INPP4B: variants seen among roughly 807,000 people sequenced by gnomAD.
INPP4B encodes inositol polyphosphate 4-phosphatase type II.
A neutral mutation model predicts 122.5 loss-of-function variants in INPP4B; 55 were observed. The observed-to-expected ratio is 0.45, with a 90% confidence interval of 0.36 to 0.56. The LOEUF (loss-of-function observed/expected upper bound fraction) is 0.56. INPP4B is among the 20% of genes least tolerant of loss of function. INPP4B has a pLI of 0.00. For missense variants in INPP4B, 1,000 were observed against 1,097.7 expected (o/e 0.91, Z 1.26); for synonymous variants, 403 against 388.7 (o/e 1.04, Z -0.43).
At chr4:142,108,698 C>A (rs2152688694) in intron 22 of INPP4B, among the ~76,000 whole-genome samples, 1 of 152,254 alleles carries the variant, frequency 6.6e-6, no homozygotes, top group Admixed American at 6.5e-5. Flanking sequence ...GACAGTAGAT[C>A]ATTTCTGCCG....
intron 3 of INPP4B, among the ~76,000 whole-genome samples, chr4:142,453,592 CAT>C (rs1348346181): frequency 6.6e-6 from 1 of 152,060 alleles, no homozygotes; most frequent in Non-Finnish European, 1.5e-5. Flanking sequence ...CAGAGAAGTT[CAT>C]AGAGTGCCTG....
At chr4:142,727,550 T>C (rs951658392) in intron 1 of INPP4B, among the ~76,000 whole-genome samples, 3 of 152,168 alleles carry the variant, frequency 2.0e-5, no homozygotes, top group Non-Finnish European at 4.4e-5. Context: ...TAAAAGAATA[T>C]TCTGGAGTCA....
intron 2 of INPP4B, among the ~76,000 whole-genome samples, chr4:142,599,089 C>A (rs1366406287): frequency 2.6e-5 from 4 of 152,166 alleles, no homozygotes; most frequent in African/African-American, 9.7e-5. Context: ...CAGCCACTGC[C>A]AATACCAGTA....
intron 2 of INPP4B, among the ~76,000 whole-genome samples, chr4:142,693,041 G>A (rs916313228): frequency 6.6e-6 from 1 of 151,550 alleles, no homozygotes; most frequent in African/African-American, 2.4e-5. Flanking sequence ...ACAGAAAAAG[G>A]TGCCACATGT....
At chr4:142,829,291 AT>A (rs1781814352) in intron 1 of INPP4B, among the ~76,000 whole-genome samples, 1 of 152,078 alleles carries the variant, frequency 6.6e-6, no homozygotes, top group Non-Finnish European at 1.5e-5. Flanking sequence ...CAGCAATCAT[AT>A]AATGACCCCT....
At chr4:142,052,772 T>C (rs1292786904) in intron 25 of INPP4B, among the ~76,000 whole-genome samples, 5 of 152,042 alleles carry the variant, frequency 3.3e-5, no homozygotes, top group Non-Finnish European at 7.4e-5. Flanking sequence ...TTACTTAAAC[T>C]TGACTTACTA....
intron 7 of INPP4B, among the ~76,000 whole-genome samples, chr4:142,397,596 T>C (rs749301178): frequency 3.9e-5 from 6 of 152,048 alleles, no homozygotes; most frequent in Non-Finnish European, 7.4e-5. Context: ...TCCCAGCACT[T>C]TGGGAGGCCG....
intron 15 of INPP4B, among the ~76,000 whole-genome samples, chr4:142,190,915 A>G (rs1835513895): frequency 2.0e-5 from 3 of 152,104 alleles, no homozygotes; most frequent in East Asian, 1.9e-4. Flanking sequence ...TAGGTTCCAT[A>G]TTTCACATAC....
chr4:142,114,785 T>C (rs943957943), intron 21 of INPP4B, among the ~76,000 whole-genome samples: 4 of 152,084 alleles, frequency 2.6e-5, no homozygotes, highest in Non-Finnish European at 4.4e-5. Flanking sequence ...GTCCTATTTA[T>C]CTATTTTCTT....
At chr4:142,098,428 A>G (rs1782997331) in intron 23 of INPP4B, among the ~76,000 whole-genome samples, 1 of 152,176 alleles carries the variant, frequency 6.6e-6, no homozygotes, top group Non-Finnish European at 1.5e-5. Flanking sequence ...TGAGACTTTC[A>G]TTTTAAAACA....
At chr4:142,674,510 C>T (rs1197310080) in intron 2 of INPP4B, among the ~76,000 whole-genome samples, 1 of 152,148 alleles carries the variant, frequency 6.6e-6, no homozygotes, top group African/African-American at 2.4e-5. Context: ...GAACTCAGCA[C>T]TAGAACAAGC....
intron 2 of INPP4B, among the ~76,000 whole-genome samples, chr4:142,499,490 T>C (rs1054883173): frequency 1.9e-4 from 29 of 152,198 alleles, no homozygotes; most frequent in African/African-American, 6.8e-4. Context: ...GTATGCCTTA[T>C]TGGACAGACT....
At chr4:142,500,195 T>A (rs1823190427) in intron 2 of INPP4B, among the ~76,000 whole-genome samples, 2 of 152,268 alleles carry the variant, frequency 1.3e-5, no homozygotes, top group South Asian at 4.1e-4. Context: ...TTAAGCCCAA[T>A]AAACTGCTTT....
chr4:142,056,626 G>A (rs1757844998), intron 25 of INPP4B, among the ~76,000 whole-genome samples: 1 of 152,238 alleles, frequency 6.6e-6, no homozygotes, highest in East Asian at 1.9e-4. Flanking sequence ...GCCTCAGAAA[G>A]AAGCTACTTG....
chr4:142,117,178 C>T (rs1442089745), intron 21 of INPP4B, among the ~76,000 whole-genome samples: 1 of 151,984 alleles, frequency 6.6e-6, no homozygotes, highest in Non-Finnish European at 1.5e-5. Flanking sequence ...TAATAGTCTA[C>T]CAACCAAAAA....
Position 142,522,213 on chromosome 4 carries a change from A to T in INPP4B, c.-190-59487T>A, listed in dbSNP as rs567513879. On this transcript the variant is annotated intron_variant, in intron 2 of 25. Coordinates refer to ENST00000262992, the MANE Select transcript of INPP4B (RefSeq NM_001101669.3). ...TATCAATTTTTAAAGTTTGTATTTC[A>T]GTATCTTATGTTTTCTTCTAAAATT... Among the ~76,000 whole-genome samples, 334 of 152,072 alleles carry T rather than the reference A, an allele frequency of 2.2e-3. 3 individuals are homozygous for T. Among genetic ancestry groups the T allele is most frequent in the African/African-American group, 7.7e-3 (320 of 41,510 alleles).
At chr4:142,201,295 G>A (rs1466803729) in intron 14 of INPP4B, among the ~76,000 whole-genome samples, 1 of 152,054 alleles carries the variant, frequency 6.6e-6, no homozygotes, top group Non-Finnish European at 1.5e-5. Context: ...ATTTTGTACA[G>A]TTGTGTAATC....
At chr4:142,618,974 G>C (rs183080688) in intron 2 of INPP4B, among the ~76,000 whole-genome samples, 35 of 152,044 alleles carry the variant, frequency 2.3e-4, no homozygotes, top group African/African-American at 8.2e-4. Flanking sequence ...AAGGCCAACA[G>C]ATATATGAAA....
chr4:142,662,630 G>A (rs1296628050), intron 2 of INPP4B, among the ~76,000 whole-genome samples: 1 of 152,142 alleles, frequency 6.6e-6, no homozygotes, highest in African/African-American at 2.4e-5. Flanking sequence ...GATCTGAGAT[G>A]GAGAACTCAG....
Sources: allele counts gnomAD v4.1 joint callset (sites outside exome capture counted in the v4.1 genomes callset), GRCh38; gene constraint gnomAD v4.1.1; transcripts MANE v1.5; gene names NCBI Gene and HGNC (gene_info 2026-07-23, HGNC 2026-07-21).